The following HMCN1 variants were observed in gnomAD, a reference collection of about 807,000 sequenced individuals.
The protein encoded by HMCN1 is hemicentin 1.
A neutral mutation model predicts 625.9 loss-of-function variants in HMCN1; 321 were observed. The observed-to-expected ratio is 0.51, with a 90% confidence interval of 0.47 to 0.56. The LOEUF is 0.56. HMCN1 is among the 20% of genes least tolerant of loss of function. The pLI is 0.00. For missense variants in HMCN1, 6,588 were observed against 6,887.3 expected (o/e 0.96, Z 1.54); for synonymous variants, 2,425 against 2,417.6 (o/e 1.00, Z -0.09).
intron 24 of HMCN1, among the ~76,000 whole-genome samples, chr1:185,995,813 A>G (rs1652746735): frequency 6.6e-6 from 1 of 152,160 alleles, no homozygotes; most frequent in Non-Finnish European, 1.5e-5. Context: ...AACCGGCCAC[A>G]TGAAAATCAG....
intron 36 of HMCN1, among the ~76,000 whole-genome samples, chr1:186,029,377 T>C (rs115352569): frequency 8.5e-5 from 13 of 152,290 alleles, no homozygotes; most frequent in African/African-American, 3.1e-4. Context: ...GAGCTTGTTA[T>C]TCACAAAGAG....
intron 64 of HMCN1, among the ~76,000 whole-genome samples, chr1:186,092,566 C>G (rs1659899029): frequency 6.6e-6 from 1 of 151,890 alleles, no homozygotes; most frequent in Non-Finnish European, 1.5e-5. Context: ...ATGCAATAAT[C>G]TTAGCTTAGA....
intron 4 of HMCN1, among the ~76,000 whole-genome samples, chr1:185,878,801 T>C (rs1025421964): frequency 6.6e-6 from 1 of 152,236 alleles, no homozygotes; most frequent in Non-Finnish European, 1.5e-5. Flanking sequence ...CTGAATGTTT[T>C]GAATGAATGG....
At chr1:185,933,897 G>A in intron 11 of HMCN1, 73 bp downstream of exon 11, 2 of 1,345,102 alleles carry the variant, frequency 1.5e-6, no homozygotes, top group Non-Finnish European at 2.1e-6. Flanking sequence ...GTCCTCCCAA[G>A]TTGGCTATCT....
chr1:186,013,890 C>T (rs1654164464), intron 30 of HMCN1, among the ~76,000 whole-genome samples: 1 of 152,042 alleles, frequency 6.6e-6, no homozygotes, highest in Non-Finnish European at 1.5e-5. Context: ...AAAGCAGAGA[C>T]ACATCTTCCA....
chr1:186,075,571 T>C (rs763931309), intron 53 of HMCN1, among the ~76,000 whole-genome samples: 45 of 152,126 alleles, frequency 3.0e-4, no homozygotes, highest in Non-Finnish European at 4.7e-4. Flanking sequence ...AGATAAAGTA[T>C]ATAAAGCTCC....
In HMCN1 at chr1:186,023,124, C is replaced by T; in HGVS notation, c.5720C>T (p.Thr1907Ile). The change falls in exon 36 of 107, where the codon ACA becomes ATA. Residue 1907 changes from threonine (T) to isoleucine (I), a missense_variant. Transcript: ENST00000271588. ...TCVATNAAGETQQHIQLHVHE... is the reference protein window; with the variant it reads ...TCVATNAAGEIQQHIQLHVHE... Reference sequence around the variant, plus strand: ...GTGGCTACCAACGCAGCTGGAGAAACACAACAGCACATTCAACTGCATGTT... The same window carrying T: ...GTGGCTACCAACGCAGCTGGAGAAATACAACAGCACATTCAACTGCATGTT... 6.2e-7 allele frequency: 1 copy of T among 1,613,196 alleles called. No individual in the cohort carries two copies. The highest frequency in any genetic ancestry group is 8.5e-7 in the Non-Finnish European group (1 of 1,179,344).
chr1:185,946,254 A>G (rs913199829), intron 11 of HMCN1, among the ~76,000 whole-genome samples: 3 of 152,160 alleles, frequency 2.0e-5, no homozygotes, highest in African/African-American at 7.2e-5. Flanking sequence ...TCTTTCCTTC[A>G]AGAAGTGCTG....
intron 74 of HMCN1, 47 bp from the exon 75 acceptor site, chr1:186,115,211 G>A (rs778941792): frequency 8.7e-6 from 14 of 1,604,506 alleles, no homozygotes; most frequent in East Asian, 4.5e-5. Context: ...CAAATGGCAC[G>A]CTATTTGCTG....
chr1:186,088,849 A>G, intron 63 of HMCN1, 94 bp downstream of exon 63: 2 of 1,201,462 alleles, frequency 1.7e-6, no homozygotes, highest in Non-Finnish European at 2.4e-6. Context: ...GTAGTAATTG[A>G]TTCAACATAT....
chr1:186,154,557 CT>C (rs1376972704), intron 97 of HMCN1, among the ~76,000 whole-genome samples: 4 of 152,122 alleles, frequency 2.6e-5, no homozygotes, highest in Non-Finnish European at 4.4e-5. Context: ...TGTCCAAATG[CT>C]TTTTATTCAA....
At position 185,901,085 on chromosome 1, in the gene HMCN1, A is replaced by T. The variant is rs907343885; in HGVS notation, c.622-8252A>T. Among the ~76,000 whole-genome samples, 3 of 152,004 alleles carry T rather than the reference A, an allele frequency of 2.0e-5. No individual in the cohort carries two copies. In the South Asian group the frequency reaches 6.2e-4, roughly 32 times the overall value. ...TCTATTAAATGTTTAATGCATCTAA[A>T]TCACTTCATCTATATTATTTCTAAA... On this transcript the variant is annotated intron_variant, in intron 4 of 106. Coordinates refer to ENST00000271588, the MANE Select transcript of HMCN1 (RefSeq NM_031935.3).
intron 64 of HMCN1, 57 bp downstream of exon 64, chr1:186,090,974 T>A: frequency 6.7e-7 from 1 of 1,498,594 alleles, no homozygotes; most frequent in Non-Finnish European, 9.3e-7. Context: ...CAATGCTTTA[T>A]GCTTCAAATT....
chr1:186,103,933 T>C (rs907857102), intron 69 of HMCN1, among the ~76,000 whole-genome samples: 1 of 152,192 alleles, frequency 6.6e-6, no homozygotes, highest in East Asian at 1.9e-4. Flanking sequence ...TGTTAGTATA[T>C]TTCCCAAAGT....
chr1:186,041,155 T>C lies in HMCN1; in HGVS notation c.6304+19T>C, dbSNP rs1465616035. Reference sequence around the variant, plus strand: ...GTATATGGTGAGACATTTTAGTAATTAATTCTCTTCTGGTAGAGATATGTT... The same window carrying C: ...GTATATGGTGAGACATTTTAGTAATCAATTCTCTTCTGGTAGAGATATGTT... On this transcript the variant is annotated intron_variant, in intron 40 of 106. Coordinates refer to ENST00000271588, the MANE Select transcript of HMCN1 (RefSeq NM_031935.3). The C allele has an allele frequency of 1.2e-6, 2 of 1,607,184 alleles. No homozygotes were observed. The highest frequency in any genetic ancestry group is 1.3e-5 in the African/African-American group (1 of 74,726).
intron 4 of HMCN1, among the ~76,000 whole-genome samples, chr1:185,897,719 A>G (rs1187590149): frequency 6.6e-6 from 1 of 152,066 alleles, no homozygotes; most frequent in Non-Finnish European, 1.5e-5. Flanking sequence ...TCTGTTATGT[A>G]TTTATATGTC....
chr1:185,789,388 C>T (rs1306423302), intron 1 of HMCN1, among the ~76,000 whole-genome samples: 1 of 152,180 alleles, frequency 6.6e-6, no homozygotes, highest in Non-Finnish European at 1.5e-5. Flanking sequence ...ACATGGTATT[C>T]ATACCTCAGT....
At chr1:185,959,627 G>T (rs1649868692) in intron 11 of HMCN1, among the ~76,000 whole-genome samples, 2 of 152,144 alleles carry the variant, frequency 1.3e-5, no homozygotes, top group Admixed American at 6.6e-5. Flanking sequence ...TGATGATGAT[G>T]TTGGTTGCTC....
At chr1:185,766,495 A>G (rs909606695) in intron 1 of HMCN1, among the ~76,000 whole-genome samples, 1 of 152,182 alleles carries the variant, frequency 6.6e-6, no homozygotes, top group Non-Finnish European at 1.5e-5. Context: ...TGGCCGTCTC[A>G]GGAAACTGCA....
Sources: allele counts gnomAD v4.1 joint callset (sites outside exome capture counted in the v4.1 genomes callset), GRCh38; gene constraint gnomAD v4.1.1; transcripts MANE v1.5; gene names NCBI Gene and HGNC (gene_info 2026-07-23, HGNC 2026-07-21).